CD8B2: variants seen among roughly 807,000 people sequenced by gnomAD.
The protein encoded by CD8B2 is CD8B family member 2.
CD8B2 carries 11 observed loss-of-function variants against 23.7 expected under a neutral mutation model. The ratio of observed to expected loss-of-function variants is 0.46; its 90% CI spans 0.29 to 0.77. The LOEUF (loss-of-function observed/expected upper bound fraction) is 0.77. Ranked by LOEUF, CD8B2 falls within the 30% of genes least tolerant of loss-of-function variation. CD8B2 has a pLI of 0.09. For synonymous variants in CD8B2, 90 were observed against 109.3 expected, an observed-to-expected ratio of 0.82 and a Z score of 1.10; for missense variants, 197 against 270.5, an observed-to-expected ratio of 0.73 and a Z score of 1.91.
chr2:106,495,808 T>C (rs1425898905), intron 2 of CD8B2, among the ~76,000 whole-genome samples: 1 of 152,172 alleles, frequency 6.6e-6, no homozygotes, highest in African/African-American at 2.4e-5. Flanking sequence ...TGTTCATTTA[T>C]TTGCTCTTGA....
intron 5 of CD8B2, among the ~76,000 whole-genome samples, chr2:106,518,304 C>G (rs142342325): frequency 7.7e-4 from 117 of 152,220 alleles, no homozygotes; most frequent in African/African-American, 2.5e-3. Flanking sequence ...TTAGGAGTTA[C>G]AAAGCAATCA....
chr2:106,520,997 C>A (rs1276283080), intron 5 of CD8B2, among the ~76,000 whole-genome samples: 198 of 138,282 alleles, frequency 1.4e-3, no homozygotes, highest in Non-Finnish European at 1.8e-3. Context: ...GAAAAAATTG[C>A]AAAAAAAAAA....
Position 106,492,499 on chromosome 2 carries a change from C to T in CD8B2, c.403+1266C>T, listed in dbSNP as rs184061636. ...TTTACATAAAACATATGGCTCATCTCGATTCAGACTGGCCACATTTCACGT... is the reference window on the plus strand; with the variant it reads ...TTTACATAAAACATATGGCTCATCTTGATTCAGACTGGCCACATTTCACGT... On this transcript the variant is annotated intron_variant, in intron 2 of 5. Transcript: ENST00000643224. 1.2e-4 allele frequency among the ~76,000 whole-genome samples: 18 copies of T among 152,280 alleles called. No individual in the cohort carries two copies. In the East Asian group the frequency reaches 3.3e-3, roughly 28 times the overall value.
chr2:106,526,503 T>C (rs985706012), intron 5 of CD8B2, among the ~76,000 whole-genome samples: 1 of 152,216 alleles, frequency 6.6e-6, no homozygotes, highest in Non-Finnish European at 1.5e-5. Flanking sequence ...TTCATGTAAA[T>C]GTAGTCATAC....
chr2:106,513,306 C>T (rs917331883), downstream of CD8B2, among the ~76,000 whole-genome samples: 1 of 152,008 alleles, frequency 6.6e-6, no homozygotes, highest in Non-Finnish European at 1.5e-5. Context: ...CTTTCATTCT[C>T]ATGACCAGGG....
chr2:106,496,193 G>T lies in CD8B2; in HGVS notation c.424G>T (p.Ala142Ser). 1 of 1,544,040 alleles carries T rather than the reference G, an allele frequency of 6.5e-7. No individual in the cohort carries two copies. Among genetic ancestry groups the T allele is most frequent in the Non-Finnish European group, 8.7e-7 (1 of 1,143,290 alleles). The change falls in exon 3 of 6, where the codon GCC (alanine) becomes TCC (serine). Residue 142 changes from alanine to serine, a missense_variant. Ala to Ser is a moderately conservative substitution (Grantham distance 99). Transcript: ENST00000643224. Reference protein sequence around the residue: ...LSVVDFLPTTAQPTKKSTLKK... With the variant: ...LSVVDFLPTTSQPTKKSTLKK... ...TGTAGTTGATTTCCTTCCCACCACT[G>T]CCCAGCCCACCAAGAAGTCCACCCT...
chr2:106,507,028 C>G lies in CD8B2; in HGVS notation c.*88C>G, dbSNP rs1214408697. Reference sequence around the variant, plus strand: ...GGAAAAATGAGAGAAGGGACACATTCAACCCTGGAGAGTTCAATGGCTGCT... The same window carrying G: ...GGAAAAATGAGAGAAGGGACACATTGAACCCTGGAGAGTTCAATGGCTGCT... On this transcript the variant is annotated 3_prime_UTR_variant, in exon 6 of 6. Coordinates refer to ENST00000643224, the MANE Select transcript of CD8B2 (RefSeq NM_001349727.2). 6.6e-7 allele frequency: 1 copy of G among 1,511,402 alleles called. No individual in the cohort carries two copies. Among genetic ancestry groups the G allele is most frequent in the Non-Finnish European group, 8.9e-7 (1 of 1,126,888 alleles). 93.6% of individuals were successfully genotyped at this position (1,511,402 alleles called of 1,614,324 possible). A position where few individuals can be genotyped will look rare whatever the true frequency, so the allele number is the denominator to read the frequency against.
At chr2:106,501,588 A>G (rs1352249002) in intron 3 of CD8B2, among the ~76,000 whole-genome samples, 1 of 152,154 alleles carries the variant, frequency 6.6e-6, no homozygotes, top group Non-Finnish European at 1.5e-5. Context: ...AGGCTGAGGC[A>G]GGAGAATCGC....
intron 3 of CD8B2, among the ~76,000 whole-genome samples, chr2:106,498,021 A>G (rs987796262): frequency 2.0e-5 from 3 of 152,228 alleles, no homozygotes; most frequent in Non-Finnish European, 4.4e-5. Context: ...CTAGCACTAA[A>G]TTCTAGAAGC....
At chr2:106,497,777 G>A (rs1202673791) in intron 3 of CD8B2, among the ~76,000 whole-genome samples, 1 of 152,130 alleles carries the variant, frequency 6.6e-6, no homozygotes, top group African/African-American at 2.4e-5. Flanking sequence ...ATTTTACAAA[G>A]TCCCATGCCC....
intron 3 of CD8B2, among the ~76,000 whole-genome samples, chr2:106,501,371 A>C (rs1679401114): frequency 6.6e-6 from 1 of 152,172 alleles, no homozygotes; most frequent in East Asian, 1.9e-4. Context: ...AATCCACTCT[A>C]TATATTTTTT....
At chr2:106,515,065 A>C (rs1679706809), downstream of CD8B2, among the ~76,000 whole-genome samples, 1 of 152,192 alleles carries the variant, frequency 6.6e-6, no homozygotes, top group Non-Finnish European at 1.5e-5. Flanking sequence ...ACTGACTCAG[A>C]TGTTAATCTC....
At chr2:106,536,243 G>C (rs904906259) in intron 5 of CD8B2, among the ~76,000 whole-genome samples, 2 of 151,978 alleles carry the variant, frequency 1.3e-5, no homozygotes, top group Admixed American at 6.6e-5. Flanking sequence ...TGTTGGTCAG[G>C]CTGGTCTCGA....
intron 3 of CD8B2, among the ~76,000 whole-genome samples, chr2:106,496,884 A>G (rs1354827659): frequency 6.6e-6 from 1 of 152,228 alleles, no homozygotes; most frequent in African/African-American, 2.4e-5. Context: ...AAACCATGAC[A>G]TTGTACACTT....
chr2:106,538,890 T>C (rs898632481), intron 5 of CD8B2, among the ~76,000 whole-genome samples: 3 of 151,918 alleles, frequency 2.0e-5, no homozygotes, highest in African/African-American at 7.2e-5. Context: ...AACAGTCTCA[T>C]ATGCAGTGTG....
intron 2 of CD8B2, among the ~76,000 whole-genome samples, chr2:106,495,955 C>T (rs7567414): frequency 0.26 from 39,358 of 151,778 alleles, 5,389 homozygotes; most frequent in African/African-American, 0.31. Flanking sequence ...TATGCCACCA[C>T]GCCTGGCTAA....
Position 106,508,967 on chromosome 2 carries a change from C to G in CD8B2, c.*2027C>G, listed in dbSNP as rs555498177. ...AGACCCAGGTGTTTTCCGTTTGCTC[C>G]AGCTTTGAGAAGTCAGCACAAATTG... On this transcript the variant is annotated 3_prime_UTR_variant, in exon 6 of 6. Transcript: ENST00000643224. The G allele has an allele frequency of 2.6e-5, 4 of 152,128 alleles. No individual in the cohort carries two copies. Among genetic ancestry groups the G allele is most frequent in the Admixed American group, 2.6e-4 (4 of 15,282 alleles). 9.4% of individuals were successfully genotyped at this position (152,128 alleles called of 1,614,324 possible).
intron 2 of CD8B2, among the ~76,000 whole-genome samples, chr2:106,494,745 C>T (rs1385797246): frequency 1.3e-5 from 2 of 152,176 alleles, no homozygotes; most frequent in African/African-American, 4.8e-5. Context: ...GGTGACCCAT[C>T]CAGGAGTCAG....
In CD8B2 at chr2:106,498,891, C is replaced by T. The variant is rs72933166; in HGVS notation, c.493+2629C>T. On this transcript the variant is annotated intron_variant, in intron 3 of 5. Transcript: ENST00000643224. Reference sequence around the variant, plus strand: ...ACTGTCCCTGAGGCTTAGGGCTGTTCCTAAGACAACACCCTTAGGTGCTGG... The same window carrying T: ...ACTGTCCCTGAGGCTTAGGGCTGTTTCTAAGACAACACCCTTAGGTGCTGG... 5.8e-3 allele frequency among the ~76,000 whole-genome samples: 879 copies of T among 152,154 alleles called. 6 individuals are homozygous for T. The highest frequency in any genetic ancestry group is 0.018 in the African/African-American group (754 of 41,504).
Sources: allele counts gnomAD v4.1 joint callset (sites outside exome capture counted in the v4.1 genomes callset), GRCh38; gene constraint gnomAD v4.1.1; transcripts MANE v1.5; gene names NCBI Gene and HGNC (gene_info 2026-07-23, HGNC 2026-07-21).